RIMS2: variants seen among roughly 807,000 people sequenced by gnomAD.
The protein encoded by RIMS2 is regulating synaptic membrane exocytosis 2.
In RIMS2, 59 loss-of-function variants were observed where a neutral mutation model predicts 174.4. That is an observed-to-expected ratio of 0.34 (90% CI 0.27 to 0.42). The LOEUF (loss-of-function observed/expected upper bound fraction) is 0.42, where lower values mean the gene tolerates loss of function less well. Among genes scored for constraint, RIMS2 ranks in the 10% least tolerant of loss-of-function variants. The pLI is 1.00. For synonymous variants in RIMS2, 606 were observed against 572.5 expected, an observed-to-expected ratio of 1.06 and a Z score of -0.84; for missense variants, 1,620 against 1,666.3, an observed-to-expected ratio of 0.97 and a Z score of 0.48.
intron 1 of RIMS2, among the ~76,000 whole-genome samples, chr8:103,538,851 G>A (rs2131179219): frequency 6.6e-6 from 1 of 152,302 alleles, no homozygotes; most frequent in South Asian, 2.1e-4. Flanking sequence ...TCATAGCTTA[G>A]CTCCCACATA....
chr8:103,593,088 C>T (rs1187817495), intron 1 of RIMS2, among the ~76,000 whole-genome samples: 4 of 151,292 alleles, frequency 2.6e-5, no homozygotes, highest in Non-Finnish European at 5.9e-5. Context: ...CCAAGTTGAG[C>T]CTGTCACTTA....
chr8:103,839,145 A>G (rs1208314414), intron 3 of RIMS2, among the ~76,000 whole-genome samples: 2 of 152,198 alleles, frequency 1.3e-5, no homozygotes, highest in South Asian at 2.1e-4. Context: ...ATCCTTTTAC[A>G]TATTCATTGT....
At chr8:103,528,837 C>A (rs941493540) in intron 1 of RIMS2, among the ~76,000 whole-genome samples, 10 of 152,270 alleles carry the variant, frequency 6.6e-5, no homozygotes, top group African/African-American at 2.4e-4. Flanking sequence ...ATGCCTCCAG[C>A]TTTGTTCTTT....
intron 19 of RIMS2, among the ~76,000 whole-genome samples, chr8:104,215,922 A>G (rs1349851685): frequency 6.6e-6 from 1 of 152,252 alleles, no homozygotes; most frequent in African/African-American, 2.4e-5. Flanking sequence ...TGGGCAGGGT[A>G]GAGAAACTTC....
intron 19 of RIMS2, among the ~76,000 whole-genome samples, chr8:104,145,251 GT>G (rs918513570): frequency 2.7e-5 from 4 of 150,402 alleles, no homozygotes; most frequent in Non-Finnish European, 4.4e-5. Flanking sequence ...GGGTAGGCTT[GT>G]TTTTTTTTAA....
intron 19 of RIMS2, among the ~76,000 whole-genome samples, chr8:104,218,330 C>G (rs1188378002): frequency 1.3e-5 from 2 of 152,024 alleles, no homozygotes; most frequent in Non-Finnish European, 2.9e-5. Flanking sequence ...CCCAGAGGGA[C>G]TTTCTTTCTC....
intron 1 of RIMS2, among the ~76,000 whole-genome samples, chr8:103,549,466 G>A (rs1846638723): frequency 6.6e-6 from 1 of 152,134 alleles, no homozygotes; most frequent in Non-Finnish European, 1.5e-5. Flanking sequence ...AGCTCCTGAA[G>A]GAAGCACTAA....
At chr8:103,991,879 A>T (rs1397307699) in intron 17 of RIMS2, among the ~76,000 whole-genome samples, 1 of 152,196 alleles carries the variant, frequency 6.6e-6, no homozygotes, top group Admixed American at 6.5e-5. Flanking sequence ...GAATATCAGT[A>T]TCAACTTTAC....
At chr8:103,966,114 G>A (rs2091760597) in intron 15 of RIMS2, among the ~76,000 whole-genome samples, 2 of 152,038 alleles carry the variant, frequency 1.3e-5, no homozygotes, top group Non-Finnish European at 2.9e-5. Flanking sequence ...TCTTTGTCTG[G>A]TTTTGATATT....
chr8:103,934,552 A>G (rs928255563), intron 12 of RIMS2, among the ~76,000 whole-genome samples: 1 of 152,156 alleles, frequency 6.6e-6, no homozygotes, highest in Non-Finnish European at 1.5e-5. Context: ...CTTATAAGAA[A>G]CCTCAGAGAT....
chr8:104,096,251 T>A (rs1278594527), intron 19 of RIMS2, among the ~76,000 whole-genome samples: 1 of 152,200 alleles, frequency 6.6e-6, no homozygotes, highest in Non-Finnish European at 1.5e-5. Flanking sequence ...TGAGAACACA[T>A]GAGCCCATTG....
intron 2 of RIMS2, among the ~76,000 whole-genome samples, chr8:103,741,744 A>G (rs1342480688): frequency 6.6e-6 from 1 of 152,112 alleles, no homozygotes. Flanking sequence ...GCCTTTTCAC[A>G]TGCTTTAAGT....
intron 19 of RIMS2, among the ~76,000 whole-genome samples, chr8:104,110,428 T>C (rs901912765): frequency 3.3e-5 from 5 of 152,174 alleles, no homozygotes; most frequent in Admixed American, 6.5e-5. Context: ...TTTTTCTGAA[T>C]TAATAGCTTA....
At chr8:103,579,208 G>C (rs1278532407) in intron 1 of RIMS2, among the ~76,000 whole-genome samples, 1 of 151,626 alleles carries the variant, frequency 6.6e-6, no homozygotes, top group Non-Finnish European at 1.5e-5. Context: ...TTCAGGACGA[G>C]GGCAGCATAG....
At position 103,568,746 on chromosome 8, in the gene RIMS2, T is replaced by C. The variant is rs2092578212; in HGVS notation, c.176+67684T>C. ...AGTAGCCTATAAAGCAGCTGTAGAT[T>C]CTTCACTGGGTAAGGAATCTATCAA... On this transcript the variant is annotated intron_variant, in intron 1 of 23. Coordinates refer to ENST00000504942, the Ensembl canonical transcript of RIMS2. The C allele has an allele frequency of 4.8e-6, 5 of 1,047,058 alleles. No individual in the cohort carries two copies. The South Asian group carries it at 6.2e-5, about 13-fold the overall frequency. The allele number at this position is 1,047,058 out of a possible 1,614,324, so 64.9% of individuals were successfully genotyped here.
chr8:103,991,290 A>G (rs893199188), intron 17 of RIMS2, among the ~76,000 whole-genome samples: 7 of 151,586 alleles, frequency 4.6e-5, no homozygotes, highest in Admixed American at 2.6e-4. Context: ...CTTAATTGTG[A>G]GCTGCCTTAA....
intron 19 of RIMS2, among the ~76,000 whole-genome samples, chr8:104,137,283 A>G (rs1198013373): frequency 1.3e-5 from 2 of 152,198 alleles, no homozygotes; most frequent in Non-Finnish European, 2.9e-5. Context: ...TTGTAAATAT[A>G]CATAATAATT....
At chr8:104,248,375 G>C (rs1353946613) in intron 20 of RIMS2, among the ~76,000 whole-genome samples, 3 of 152,136 alleles carry the variant, frequency 2.0e-5, no homozygotes, top group Non-Finnish European at 4.4e-5. Flanking sequence ...GATTAAATAT[G>C]ATAAAGCCTG....
At chr8:104,216,410 C>T (rs1275427882) in intron 19 of RIMS2, among the ~76,000 whole-genome samples, 2 of 152,180 alleles carry the variant, frequency 1.3e-5, no homozygotes, top group Non-Finnish European at 2.9e-5. Flanking sequence ...AGTAGAGTCT[C>T]TTCAGCTGTG....
Sources: gnomAD v4.1 joint callset for allele counts (sites outside exome capture counted in the v4.1 genomes callset) on GRCh38, gnomAD v4.1.1 for gene constraint, MANE v1.5 for transcripts, NCBI Gene and HGNC (gene_info 2026-07-23, HGNC 2026-07-21) for gene names.